SLC24A2: variants seen among roughly 807,000 people sequenced by gnomAD.
SLC24A2 encodes solute carrier family 24 member 2.
In SLC24A2, 36 loss-of-function variants were observed where a neutral mutation model predicts 62.0. The observed-to-expected ratio is 0.58, with a 90% CI of 0.44 to 0.77. The LOEUF (loss-of-function observed/expected upper bound fraction) is 0.77. Ranked by LOEUF, SLC24A2 falls within the 30% of genes least tolerant of loss-of-function variation. The pLI, the probability that SLC24A2 is intolerant of heterozygous loss-of-function variation, is 0.00. For synonymous variants in SLC24A2, 358 were observed against 294.0 expected (o/e 1.22, Z -2.23); for missense variants, 846 against 817.9 (o/e 1.03, Z -0.42).
At chr9:19,699,479 C>G (rs1820293142) in intron 2 of SLC24A2, among the ~76,000 whole-genome samples, 1 of 152,088 alleles carries the variant, frequency 6.6e-6, no homozygotes, top group Admixed American at 6.6e-5. Context: ...TAATGTTTCA[C>G]TAAATTACGG....
the SLC24A2 span, among the ~76,000 whole-genome samples, chr9:20,060,778 T>C: frequency 6.6e-6 from 1 of 152,198 alleles, no homozygotes; most frequent in Non-Finnish European, 1.5e-5. Context: ...GCAGGTGATA[T>C]GTAGAAATTC....
chr9:20,180,341 A>G, the SLC24A2 span, among the ~76,000 whole-genome samples: 2 of 152,172 alleles, frequency 1.3e-5, no homozygotes, highest in Non-Finnish European at 2.9e-5. Flanking sequence ...ATCTCTTAAT[A>G]AATGGATGTC....
intron 2 of SLC24A2, among the ~76,000 whole-genome samples, chr9:19,691,512 T>C (rs13301251): frequency 0.19 from 28,943 of 152,194 alleles, 2,935 homozygotes; most frequent in Middle Eastern, 0.24. Flanking sequence ...ACTACCATCA[T>C]GGTTTTGCCA....
chr9:19,675,414 G>T (rs1046736146), intron 2 of SLC24A2, among the ~76,000 whole-genome samples: 1 of 152,132 alleles, frequency 6.6e-6, no homozygotes. Flanking sequence ...GGGCCCTAGA[G>T]CTGCCAAGAG....
At chr9:20,212,476 C>T in the SLC24A2 span, among the ~76,000 whole-genome samples, 4 of 151,786 alleles carry the variant, frequency 2.6e-5, no homozygotes, top group Admixed American at 1.3e-4. Flanking sequence ...CATGGTAAAA[C>T]CCCATCTCTA....
intron 2 of SLC24A2, among the ~76,000 whole-genome samples, chr9:19,646,336 C>T (rs962433939): frequency 3.9e-5 from 6 of 152,174 alleles, no homozygotes; most frequent in Admixed American, 2.0e-4. Flanking sequence ...AGATCATTTC[C>T]GTTCCCTGAA....
At position 19,510,858 on chromosome 9, in the gene SLC24A2, G is replaced by A. The variant is rs7864646; in HGVS notation, c.*5295C>T. ...AATTGCAGGGTCATTTTTGCCTCTC[G>A]AATGCTGCCTGACTTGTGGATTTGC... On this transcript the variant is annotated 3_prime_UTR_variant, in exon 11 of 11. Coordinates refer to ENST00000341998, the MANE Select transcript of SLC24A2 (RefSeq NM_020344.4). The A allele has an allele frequency of 0.68, 103,311 of 152,212 alleles. 37,235 individuals are homozygous for A. Among genetic ancestry groups the A allele is most frequent in the East Asian group, 0.94 (4,867 of 5,190 alleles). The allele number at this position is 152,212 out of a possible 1,614,324, so 9.4% of individuals were successfully genotyped here.
the SLC24A2 span, among the ~76,000 whole-genome samples, chr9:19,836,952 A>G: frequency 6.6e-6 from 1 of 152,220 alleles, no homozygotes; most frequent in Non-Finnish European, 1.5e-5. Flanking sequence ...GTAATTCAGC[A>G]TATAAACAGA....
intron 7 of SLC24A2, among the ~76,000 whole-genome samples, chr9:19,561,632 C>T (rs1835409224): frequency 6.6e-6 from 1 of 151,456 alleles, no homozygotes; most frequent in African/African-American, 2.4e-5. Flanking sequence ...GATGGGATTT[C>T]ACCCATCCAG....
chr9:19,883,752 A>G, the SLC24A2 span, among the ~76,000 whole-genome samples: 1 of 152,028 alleles, frequency 6.6e-6, no homozygotes, highest in Non-Finnish European at 1.5e-5. Context: ...TTTTTAGTAG[A>G]GTCGGGGTTT....
chr9:19,831,913 G>T, the SLC24A2 span, among the ~76,000 whole-genome samples: 2 of 152,218 alleles, frequency 1.3e-5, no homozygotes, highest in Non-Finnish European at 2.9e-5. Flanking sequence ...TAAACATTTT[G>T]CTCATGATAC....
At chr9:20,099,281 C>A in the SLC24A2 span, among the ~76,000 whole-genome samples, 7 of 152,190 alleles carry the variant, frequency 4.6e-5, no homozygotes, top group Non-Finnish European at 7.4e-5. Flanking sequence ...ATGTCCCCTG[C>A]CTATCCCTTG....
chr9:20,058,796 T>C, the SLC24A2 span, among the ~76,000 whole-genome samples: 2 of 152,222 alleles, frequency 1.3e-5, no homozygotes, highest in South Asian at 2.1e-4. Context: ...CATACATGCA[T>C]ACGTATGTGT....
intron 4 of SLC24A2, among the ~76,000 whole-genome samples, chr9:19,617,458 T>C (rs941576270): frequency 5.9e-5 from 9 of 152,252 alleles, no homozygotes; most frequent in African/African-American, 2.2e-4. Context: ...TATATTCATA[T>C]CTATATCTAT....
At chr9:19,873,766 G>T in the SLC24A2 span, among the ~76,000 whole-genome samples, 1 of 152,098 alleles carries the variant, frequency 6.6e-6, no homozygotes, top group Admixed American at 6.6e-5. Flanking sequence ...TAATGGTGGG[G>T]AAGGGGGATA....
At chr9:19,961,277 T>C in the SLC24A2 span, among the ~76,000 whole-genome samples, 1 of 152,152 alleles carries the variant, frequency 6.6e-6, no homozygotes, top group South Asian at 2.1e-4. Flanking sequence ...CTCACTGGTA[T>C]CTTCAAGAGG....
At chr9:19,708,279 T>C (rs1421429318) in intron 2 of SLC24A2, among the ~76,000 whole-genome samples, 1 of 152,116 alleles carries the variant, frequency 6.6e-6, no homozygotes, top group Non-Finnish European at 1.5e-5. Flanking sequence ...TGGAAGAACA[T>C]TCCATGCTCA....
the SLC24A2 span, among the ~76,000 whole-genome samples, chr9:20,273,657 C>A: frequency 6.6e-6 from 1 of 152,156 alleles, no homozygotes; most frequent in Admixed American, 6.5e-5. Context: ...TGAGGCCTCC[C>A]CAGCCACATG....
chr9:19,883,756 G>A, the SLC24A2 span, among the ~76,000 whole-genome samples: 8 of 151,996 alleles, frequency 5.3e-5, no homozygotes, highest in East Asian at 1.9e-4. Context: ...TAGTAGAGTC[G>A]GGGTTTCACT....
Sources: gnomAD v4.1 joint callset for allele counts (sites outside exome capture counted in the v4.1 genomes callset) on GRCh38, gnomAD v4.1.1 for gene constraint, MANE v1.5 for transcripts, NCBI Gene and HGNC (gene_info 2026-07-23, HGNC 2026-07-21) for gene names.